BPTF: variants seen among roughly 807,000 people sequenced by gnomAD.
BPTF encodes the protein bromodomain PHD finger transcription factor, also known as nucleosome-remodeling factor subunit BPTF.
In BPTF, 18 loss-of-function variants were observed where a neutral mutation model predicts 292.5. That is an observed-to-expected ratio of 0.06 (90% CI 0.04 to 0.09). The LOEUF is 0.09. Ranked by LOEUF, BPTF falls within the 10% of genes least tolerant of loss-of-function variation. BPTF has a pLI of 1.00. For missense variants in BPTF, 2,726 were observed against 3,498.7 expected, an observed-to-expected ratio of 0.78 and a Z score of 5.57; for synonymous variants, 1,225 against 1,251.9, an observed-to-expected ratio of 0.98 and a Z score of 0.45.
At chr17:67,892,620 T>G (rs577332444) in intron 5 of BPTF, among the ~76,000 whole-genome samples, 2 of 152,040 alleles carry the variant, frequency 1.3e-5, no homozygotes, top group Non-Finnish European at 2.9e-5. Context: ...AGGGTAGATA[T>G]GCAAGAATAA....
chr17:67,836,093 A>T (rs2144115893), intron 1 of BPTF, among the ~76,000 whole-genome samples: 1 of 152,340 alleles, frequency 6.6e-6, no homozygotes, highest in South Asian at 2.1e-4. Flanking sequence ...ATAAAAGTGT[A>T]AAAGCTGATA....
chr17:67,892,109 G>T lies in BPTF; in HGVS notation c.2055+75G>T, dbSNP rs1008793481. The T allele has an allele frequency of 2.6e-6, 3 of 1,172,158 alleles. No homozygotes were observed. In the South Asian group the frequency reaches 5.9e-5, roughly 23 times the overall value. The allele number at this position is 1,172,158 out of a possible 1,614,324, so 72.6% of individuals were successfully genotyped here. On this transcript the variant is annotated intron_variant, in intron 5 of 27. Transcript: ENST00000306378. ...TAATTACCACACCTTAAAAATAGGG[G>T]CTGGAAATTTGTAGAAATTTGTAGA...
chr17:67,872,836 C>G (rs1405354622), intron 3 of BPTF, among the ~76,000 whole-genome samples: 2 of 152,168 alleles, frequency 1.3e-5, no homozygotes, highest in Non-Finnish European at 2.9e-5. Flanking sequence ...ACTGCTAACG[C>G]CTGTAACCCC....
chr17:67,982,198 T>C, intron 27 of BPTF, 54 bp from the exon 28 acceptor site: 1 of 1,529,398 alleles, frequency 6.5e-7, no homozygotes, highest in Non-Finnish European at 9.1e-7. Flanking sequence ...TAAAGCATCA[T>C]TGTTTTCAAA....
At position 67,928,619 on chromosome 17, in the gene BPTF, A is replaced by T. The variant is rs1275842804; in HGVS notation, c.5998+18A>T. 1.3e-6 allele frequency: 2 copies of T among 1,577,876 alleles called. No individual in the cohort carries two copies. Among genetic ancestry groups the T allele is most frequent in the African/African-American group, 1.4e-5 (1 of 73,682 alleles). ...AAATTCAGGTATGGAACTATCATTA[A>T]GTAAAAGATTACTTTGGTTCAGGAA... On this transcript the variant is annotated intron_variant, in intron 16 of 27. Coordinates refer to ENST00000306378, the MANE Select transcript of BPTF (RefSeq NM_182641.4).
chr17:67,923,473 T>C (rs1442287910), intron 14 of BPTF, among the ~76,000 whole-genome samples: 2 of 46,628 alleles, frequency 4.3e-5, no homozygotes, highest in East Asian at 3.0e-3. Flanking sequence ...CTCTCTGTCT[T>C]TTTTTTTTTT....
Position 67,912,752 on chromosome 17 carries a change from C to A in BPTF, c.4868C>A (p.Ser1623Tyr). The change falls in exon 11 of 28, where the codon TCC (serine) becomes TAC (tyrosine). Residue 1623 changes from serine to tyrosine, a missense_variant. Around this residue, in one of 22 missense-constraint regions of BPTF, gnomAD observed 144 missense variants for 177.2 expected, o/e 0.81. Transcript: ENST00000306378. ...VVSSTENCAK[S>Y]TVTTTTTTVT... Reference sequence around the variant, plus strand: ...TCTTCCACAGAAAATTGTGCAAAATCCACTGTCACAACCACCACTACAACA... The same window carrying A: ...TCTTCCACAGAAAATTGTGCAAAATACACTGTCACAACCACCACTACAACA... 2 of 1,614,078 alleles carry A rather than the reference C, an allele frequency of 1.2e-6. No homozygotes were observed. Among genetic ancestry groups the A allele is most frequent in the Non-Finnish European group, 1.7e-6 (2 of 1,180,030 alleles).
At position 67,945,994 on chromosome 17, in the gene BPTF, A is replaced by C. The variant is rs1555675013; in HGVS notation, c.7286A>C (p.Gln2429Pro). The C allele has an allele frequency of 6.2e-7, 1 of 1,614,232 alleles. No homozygotes were observed. The highest frequency in any genetic ancestry group is 8.5e-7 in the Non-Finnish European group (1 of 1,180,036). The change falls in exon 21 of 28, where the codon CAG becomes CCG. Residue 2429 changes from glutamine to proline, a missense_variant. Transcript: ENST00000306378. ...CCTCAGCTACAAATACAGCAGCCAC[A>C]GCCCCAAGTCATTGCTGTGCCTCAG... ...SRPQLQIQQP[Q>P]PQVIAVPQLQ... is the part of the protein sequence containing the mutation.
intron 4 of BPTF, among the ~76,000 whole-genome samples, chr17:67,879,289 C>T (rs185947487): frequency 4.6e-5 from 7 of 151,946 alleles, no homozygotes; most frequent in African/African-American, 9.6e-5. Flanking sequence ...TTACAGGTGC[C>T]CACCACCACG....
intron 15 of BPTF, among the ~76,000 whole-genome samples, 171 bp from the exon 16 acceptor site, chr17:67,928,184 A>G (rs1404139562): frequency 6.6e-6 from 1 of 152,218 alleles, no homozygotes; most frequent in African/African-American, 2.4e-5. Context: ...GCAGCCAGCC[A>G]TAAATACGGG....
At chr17:67,835,663 ATTTTTTT>A (rs142633440) in intron 1 of BPTF, among the ~76,000 whole-genome samples, 1 of 141,208 alleles carries the variant, frequency 7.1e-6, no homozygotes, top group Non-Finnish European at 1.5e-5. Flanking sequence ...AGTCCTGGTA[ATTTTTTT>A]TTTTTTTTTT....
Position 67,978,381 on chromosome 17 carries a change from A to G in BPTF, c.8726+2423A>G, listed in dbSNP as rs545958051. ...TGGCACAATCTCGGCTCGCTGCAAC[A>G]TCTGCCTCCTGGGTTCAAGCAATTC... On this transcript the variant is annotated intron_variant, in intron 27 of 27. Transcript: ENST00000306378. Among the ~76,000 whole-genome samples the G allele has an allele frequency of 3.4e-3, 512 of 149,874 alleles. 3 individuals carry two copies. Among genetic ancestry groups the G allele is most frequent in the African/African-American group, 0.012 (494 of 40,774 alleles).
At chr17:67,829,363 A>G (rs1847252795) in intron 1 of BPTF, among the ~76,000 whole-genome samples, 1 of 152,086 alleles carries the variant, frequency 6.6e-6, no homozygotes, top group African/African-American at 2.4e-5. Flanking sequence ...TCTTCTAAAA[A>G]AAAACGGGAT....
At chr17:67,888,589 CAAAAAAAAAA>C (rs776548348) in intron 4 of BPTF, among the ~76,000 whole-genome samples, 2 of 63,552 alleles carry the variant, frequency 3.1e-5, no homozygotes, top group African/African-American at 9.7e-5. Context: ...GACTCCGTCT[CAAAAAAAAAA>C]AAAAAAAAAA....
intron 2 of BPTF, among the ~76,000 whole-genome samples, chr17:67,865,627 C>T (rs929211410): frequency 6.6e-6 from 1 of 152,236 alleles, no homozygotes. Context: ...AAATCAGGCT[C>T]ACTCTCATCG....
At chr17:67,899,688 G>A (rs141279903) in intron 7 of BPTF, among the ~76,000 whole-genome samples, 1 of 151,736 alleles carries the variant, frequency 6.6e-6, no homozygotes, top group Non-Finnish European at 1.5e-5. Flanking sequence ...GTGCCACCAC[G>A]ACCAGCTAAT....
chr17:67,884,042 A>T lies in BPTF; in HGVS notation c.1865-7802A>T, dbSNP rs368214033. ...CTTGGAGATCATTTTATGTGTGAACATAGTGATTATCCTCAGTTCTTGCTA... is the reference window on the plus strand; with the variant it reads ...CTTGGAGATCATTTTATGTGTGAACTTAGTGATTATCCTCAGTTCTTGCTA... On this transcript the variant is annotated intron_variant, in intron 4 of 27. Transcript: ENST00000306378. Among the ~76,000 whole-genome samples, 32 of 152,240 alleles carry T rather than the reference A, an allele frequency of 2.1e-4. No homozygotes were observed. In the East Asian group the frequency reaches 5.6e-3, roughly 27 times the overall value.
chr17:67,899,499 C>A (rs2061674087), intron 7 of BPTF, among the ~76,000 whole-genome samples: 1 of 151,282 alleles, frequency 6.6e-6, no homozygotes, highest in Admixed American at 6.6e-5. Flanking sequence ...CTGCTCTATG[C>A]AGGTAGTTTT....
intron 1 of BPTF, among the ~76,000 whole-genome samples, chr17:67,840,799 G>T (rs961596950): frequency 4.6e-5 from 7 of 151,910 alleles, no homozygotes; most frequent in African/African-American, 1.7e-4. Context: ...CTGAGCTCAA[G>T]CAATCCGCCT....
Sources: allele counts gnomAD v4.1 joint callset (sites outside exome capture counted in the v4.1 genomes callset), GRCh38; gene constraint gnomAD v4.1.1; regional missense constraint gnomAD v4.1.1; transcripts MANE v1.5; gene names NCBI Gene and HGNC (gene_info 2026-07-23, HGNC 2026-07-21).